GRIA4: variants seen among roughly 807,000 people sequenced by gnomAD.
GRIA4 encodes the protein glutamate ionotropic receptor AMPA type subunit 4.
Under a neutral mutation model 104.0 loss-of-function variants are expected in GRIA4, and 34 were observed. The ratio of observed to expected loss-of-function variants is 0.33; its 90% CI spans 0.25 to 0.44. The LOEUF (loss-of-function observed/expected upper bound fraction) is 0.44, where lower values mean the gene tolerates loss of function less well. GRIA4 is among the 20% of genes least tolerant of loss of function. The pLI is 1.00. For synonymous variants in GRIA4, 386 were observed against 381.9 expected, an observed-to-expected ratio of 1.01 and a Z score of -0.13; for missense variants, 750 against 1,096.5, an observed-to-expected ratio of 0.68 and a Z score of 4.46.
At chr11:105,921,211 CT>C (rs1947548740) in intron 11 of GRIA4, among the ~76,000 whole-genome samples, 1 of 151,982 alleles carries the variant, frequency 6.6e-6, no homozygotes, top group Non-Finnish European at 1.5e-5. Flanking sequence ...CACTCAGGTC[CT>C]TTTTGCTACC....
At chr11:105,921,703 T>C (rs111792466) in intron 11 of GRIA4, among the ~76,000 whole-genome samples, 1 of 152,140 alleles carries the variant, frequency 6.6e-6, no homozygotes, top group African/African-American at 2.4e-5. Context: ...TGGGAACTTG[T>C]GTAAATTAAA....
At chr11:105,914,582 T>C (rs1947346452) in intron 10 of GRIA4, among the ~76,000 whole-genome samples, 1 of 152,146 alleles carries the variant, frequency 6.6e-6, no homozygotes, top group Admixed American at 6.6e-5. Flanking sequence ...CAAGCCCTAA[T>C]GTAGCAGCTT....
intron 3 of GRIA4, among the ~76,000 whole-genome samples, chr11:105,696,350 T>A (rs1344694517): frequency 6.6e-6 from 1 of 152,202 alleles, no homozygotes; most frequent in Non-Finnish European, 1.5e-5. Flanking sequence ...TGTCTTATTC[T>A]CATTATCTCT....
chr11:105,824,396 T>C lies in GRIA4; in HGVS notation c.488-37628T>C, dbSNP rs1321911063. On this transcript the variant is annotated intron_variant, in intron 4 of 16. Transcript: ENST00000282499. The stretch of plus-strand genomic sequence containing the variant: ...TATTAAACAATATCTGACTTCCTAC[T>C]ATGGAAGATGAAGATGTAGCTCCCC... Among the ~76,000 whole-genome samples, 4 of 152,058 alleles carry C rather than the reference T, an allele frequency of 2.6e-5. No individual in the cohort carries two copies. The East Asian group carries it at 5.8e-4, about 22-fold the overall frequency.
intron 4 of GRIA4, among the ~76,000 whole-genome samples, chr11:105,821,489 T>C (rs1034086451): frequency 6.6e-6 from 1 of 151,726 alleles, no homozygotes; most frequent in African/African-American, 2.4e-5. Context: ...ATAATCACGG[T>C]GGAAGGCAAA....
intron 14 of GRIA4, among the ~76,000 whole-genome samples, chr11:105,937,908 T>C (rs912216616): frequency 3.3e-5 from 5 of 152,164 alleles, no homozygotes; most frequent in Admixed American, 6.5e-5. Flanking sequence ...AACCGATCCA[T>C]TGAAACCAAG....
intron 3 of GRIA4, among the ~76,000 whole-genome samples, chr11:105,688,683 A>G (rs980454395): frequency 6.6e-6 from 1 of 152,238 alleles, no homozygotes; most frequent in African/African-American, 2.4e-5. Flanking sequence ...ATGCAGACAT[A>G]AGGGTTAATG....
chr11:105,979,952 T>A lies in GRIA4; in HGVS notation c.*213T>A. The A allele has an allele frequency of 3.6e-5, 15 of 417,898 alleles. No individual in the cohort carries two copies. The highest frequency in any genetic ancestry group is 4.0e-5 in the African/African-American group (2 of 50,592). The allele number at this position is 417,898 out of a possible 1,614,324, so 25.9% of individuals were successfully genotyped here. ...AACTCAGATTTTATATCAGGAAAACTCACAATTGAGGTTTTTTTCGGGGAG... is the reference window on the plus strand; with the variant it reads ...AACTCAGATTTTATATCAGGAAAACACACAATTGAGGTTTTTTTCGGGGAG... On this transcript the variant is annotated 3_prime_UTR_variant, in exon 17 of 17. Transcript: ENST00000282499.
chr11:105,979,795 C>A lies in GRIA4; in HGVS notation c.*56C>A. On this transcript the variant is annotated 3_prime_UTR_variant, in exon 17 of 17. Transcript: ENST00000282499. ...AAACTGTTGGTGACTGGTGGAAACG[C>A]AGCCCTGAGGGACACGCCACGCGCG... is the stretch of plus-strand genomic sequence containing the variant. The A allele has an allele frequency of 7.2e-7, 1 of 1,385,500 alleles. No individual in the cohort carries two copies. The highest frequency in any genetic ancestry group is 1.0e-6 in the Non-Finnish European group (1 of 984,630). The allele number at this position is 1,385,500 out of a possible 1,614,324, so 85.8% of individuals were successfully genotyped here.
intron 14 of GRIA4, among the ~76,000 whole-genome samples, 181 bp from the exon 15 acceptor site, chr11:105,971,733 A>G (rs117445890): frequency 0.016 from 2,463 of 152,278 alleles, 30 homozygotes; most frequent in Non-Finnish European, 0.027. Context: ...TGTGCCTGTT[A>G]CCTAAAGCGA....
At position 105,829,049 on chromosome 11, in the gene GRIA4, A is replaced by T. The variant is rs1016279048; in HGVS notation, c.488-32975A>T. ...AAAGGGGTTGTTTATAGAATCATCT[A>T]ACAATAACAGCTGCTATTTATTGTG... On this transcript the variant is annotated intron_variant, in intron 4 of 16. Coordinates refer to ENST00000282499, the MANE Select transcript of GRIA4 (RefSeq NM_000829.4). Among the ~76,000 whole-genome samples the T allele has an allele frequency of 4.0e-5, 6 of 151,304 alleles. No homozygotes were observed. The East Asian group carries it at 1.2e-3, about 29-fold the overall frequency.
intron 3 of GRIA4, among the ~76,000 whole-genome samples, chr11:105,682,236 TG>T (rs1031261592): frequency 2.0e-5 from 3 of 152,128 alleles, no homozygotes; most frequent in African/African-American, 7.2e-5. Context: ...ACTTTTGAGA[TG>T]GGGGGTCTCA....
chr11:105,630,719 A>AAT (rs1565416714), intron 3 of GRIA4, among the ~76,000 whole-genome samples: 17 of 152,150 alleles, frequency 1.1e-4, no homozygotes, highest in African/African-American at 3.4e-4. Flanking sequence ...TTTTAAAAAA[A>AAT]TTTTAAAAAT....
At chr11:105,904,276 A>G (rs1946965162) in intron 8 of GRIA4, among the ~76,000 whole-genome samples, 1 of 152,248 alleles carries the variant, frequency 6.6e-6, no homozygotes, top group African/African-American at 2.4e-5. Context: ...ACGTTAGATT[A>G]GCAGGGGCTC....
chr11:105,681,852 G>T (rs534160681), intron 3 of GRIA4, among the ~76,000 whole-genome samples: 8 of 151,998 alleles, frequency 5.3e-5, no homozygotes, highest in Non-Finnish European at 1.2e-4. Flanking sequence ...AACCAACCTG[G>T]TCAACATGGT....
In GRIA4 at chr11:105,924,388, T is replaced by A; in HGVS notation, c.1477-11T>A. ...TAACCTATGTGTCTCCATGTGTTTT[T>A]TCTCTTATAGAAAGCAGAGATTGCT... On this transcript the variant is annotated splice_polypyrimidine_tract_variant and intron_variant, in intron 11 of 16. Transcript: ENST00000282499. 1 of 1,563,726 alleles carries A rather than the reference T, an allele frequency of 6.4e-7. No homozygotes were observed. Among genetic ancestry groups the A allele is most frequent in the Non-Finnish European group, 8.7e-7 (1 of 1,151,444 alleles).
At chr11:105,769,454 T>C (rs1346381530) in intron 4 of GRIA4, among the ~76,000 whole-genome samples, 7 of 152,094 alleles carry the variant, frequency 4.6e-5, no homozygotes, top group Admixed American at 2.0e-4. Context: ...ATTATGCAAA[T>C]GGTAAGTAAC....
intron 14 of GRIA4, among the ~76,000 whole-genome samples, chr11:105,934,360 G>A (rs1947971117): frequency 6.6e-6 from 1 of 152,014 alleles, no homozygotes; most frequent in South Asian, 2.1e-4. Context: ...ACTAGTCTCT[G>A]AGTAAGAAGA....
intron 10 of GRIA4, among the ~76,000 whole-genome samples, chr11:105,913,685 T>A (rs904705194): frequency 6.6e-6 from 1 of 152,042 alleles, no homozygotes; most frequent in East Asian, 1.9e-4. Flanking sequence ...TTCTTGGCTA[T>A]TGAACTCTCT....
Sources: gnomAD v4.1 joint callset for allele counts (sites outside exome capture counted in the v4.1 genomes callset) on GRCh38, gnomAD v4.1.1 for gene constraint, MANE v1.5 for transcripts, NCBI Gene and HGNC (gene_info 2026-07-23, HGNC 2026-07-21) for gene names.